Variants in SOBP observed in about 807,000 individuals in gnomAD.
SOBP encodes sine oculis-binding protein homolog.
A neutral mutation model predicts 53.6 loss-of-function variants in SOBP; 4 were observed. The observed-to-expected ratio is 0.07, with a 90% confidence interval of 0.04 to 0.17. The LOEUF (loss-of-function observed/expected upper bound fraction) is 0.17, where lower values mean the gene tolerates loss of function less well. Ranked by LOEUF, SOBP falls within the 10% of genes least tolerant of loss-of-function variation. SOBP has a pLI of 1.00. For synonymous variants in SOBP, 584 were observed against 522.6 expected (o/e 1.12, Z -1.60); for missense variants, 1,088 against 1,204.7 (o/e 0.90, Z 1.43).
chr6:107,517,493 A>C (rs1320593268), intron 3 of SOBP, among the ~76,000 whole-genome samples: 1 of 152,126 alleles, frequency 6.6e-6, no homozygotes, highest in Admixed American at 6.5e-5. Flanking sequence ...CCCCATCCTC[A>C]TGATCTCATT....
chr6:107,554,260 G>A (rs1338661387), intron 4 of SOBP, among the ~76,000 whole-genome samples: 1 of 152,206 alleles, frequency 6.6e-6, no homozygotes, highest in Non-Finnish European at 1.5e-5. Flanking sequence ...GAGTTTTTCT[G>A]CAGTTTGTCC....
chr6:107,541,675 T>C (rs374293937), intron 4 of SOBP, among the ~76,000 whole-genome samples: 3 of 152,206 alleles, frequency 2.0e-5, no homozygotes, highest in African/African-American at 7.2e-5. Flanking sequence ...ATAAATGATA[T>C]GTTATCTTAT....
intron 4 of SOBP, among the ~76,000 whole-genome samples, chr6:107,570,303 C>G (rs1785038158): frequency 6.6e-6 from 1 of 152,148 alleles, no homozygotes; most frequent in Non-Finnish European, 1.5e-5. Flanking sequence ...AGAGTGAAGG[C>G]TATAAAAGAA....
rs529969224 is a variant in SOBP, at chr6:107,645,307, G to A, written c.*3+9838G>A. ...CATCATATCCAAACAGAGGGAAGCAGTCCCCTTTTGCTCATTCATAGTTCA... is the reference window on the plus strand; with the variant it reads ...CATCATATCCAAACAGAGGGAAGCAATCCCCTTTTGCTCATTCATAGTTCA... On this transcript the variant is annotated intron_variant, in intron 6 of 6. Coordinates refer to ENST00000317357, the MANE Select transcript of SOBP (RefSeq NM_018013.4). 2.0e-5 allele frequency among the ~76,000 whole-genome samples: 3 copies of A among 152,326 alleles called. No homozygotes were observed. The East Asian group carries it at 5.8e-4, about 29-fold the overall frequency.
chr6:107,548,515 T>A (rs1157476423), intron 4 of SOBP, among the ~76,000 whole-genome samples: 1 of 152,156 alleles, frequency 6.6e-6, no homozygotes, highest in Non-Finnish European at 1.5e-5. Flanking sequence ...GTGCTGGGAT[T>A]ACAGGCGTGA....
rs145185511 is a variant in SOBP at position 107,578,581 on chromosome 6, A to G, written c.574-8499A>G. Among the ~76,000 whole-genome samples, 54 of 152,296 alleles carry G rather than the reference A, an allele frequency of 3.5e-4. No homozygotes were observed. The East Asian group carries it at 7.9e-3, about 22-fold the overall frequency. On this transcript the variant is annotated intron_variant, in intron 4 of 6. Coordinates refer to ENST00000317357, the MANE Select transcript of SOBP (RefSeq NM_018013.4). ...CTTCTTCATATATAAAATGGAGATA[A>G]TGATAGTACCTACTTCATAAGTCAT...
chr6:107,605,429 G>T (rs865980541), intron 5 of SOBP, among the ~76,000 whole-genome samples: 17 of 152,294 alleles, frequency 1.1e-4, no homozygotes, highest in South Asian at 2.1e-4. Context: ...AAAATATGTA[G>T]GCGAAAAACA....
chr6:107,615,654 G>T (rs558449557), intron 5 of SOBP, among the ~76,000 whole-genome samples: 1 of 152,288 alleles, frequency 6.6e-6, no homozygotes, highest in East Asian at 1.9e-4. Flanking sequence ...AAATCTGATT[G>T]TGAGAATCTG....
At chr6:107,524,502 G>A (rs914921598) in intron 3 of SOBP, among the ~76,000 whole-genome samples, 2 of 152,308 alleles carry the variant, frequency 1.3e-5, no homozygotes, top group South Asian at 4.1e-4. Context: ...CTCTCTCTTT[G>A]CCTTATTGTT....
chr6:107,631,478 A>G (rs1201433243), intron 5 of SOBP, among the ~76,000 whole-genome samples: 4 of 152,232 alleles, frequency 2.6e-5, no homozygotes, highest in Non-Finnish European at 5.9e-5. Flanking sequence ...ACTTACATGC[A>G]TCATGTTTCT....
At chr6:107,494,743 G>A (rs905648512) in intron 1 of SOBP, among the ~76,000 whole-genome samples, 1 of 152,202 alleles carries the variant, frequency 6.6e-6, no homozygotes, top group Admixed American at 6.5e-5. Flanking sequence ...AATATTCTCA[G>A]TAAGTAATTT....
chr6:107,601,478 C>T (rs929674810), intron 5 of SOBP, among the ~76,000 whole-genome samples: 3 of 152,214 alleles, frequency 2.0e-5, no homozygotes, highest in East Asian at 1.9e-4. Flanking sequence ...TGTTTGTCAT[C>T]TTTCTGAAAC....
At chr6:107,587,198 A>G in intron 5 of SOBP, 23 bp downstream of exon 5, 2 of 1,577,708 alleles carry the variant, frequency 1.3e-6, no homozygotes, top group Non-Finnish European at 8.7e-7. Context: ...TACTTACAAC[A>G]AGTCTAGAAT....
chr6:107,549,357 G>A (rs1192966768), intron 4 of SOBP, among the ~76,000 whole-genome samples: 2 of 152,004 alleles, frequency 1.3e-5, no homozygotes, highest in Admixed American at 1.3e-4. Context: ...CCCTATACTG[G>A]GGTGGAGCTC....
chr6:107,601,893 G>A (rs758127079), intron 5 of SOBP, among the ~76,000 whole-genome samples: 10 of 152,178 alleles, frequency 6.6e-5, no homozygotes, highest in Non-Finnish European at 1.2e-4. Flanking sequence ...TTCATTTAAT[G>A]AGCAGCAGAA....
chr6:107,643,984 C>A (rs553087492), intron 6 of SOBP, among the ~76,000 whole-genome samples: 2 of 152,256 alleles, frequency 1.3e-5, no homozygotes, highest in African/African-American at 4.8e-5. Flanking sequence ...CACTCAAAAG[C>A]TAAAGTGTTC....
At chr6:107,580,824 G>T (rs149238294) in intron 4 of SOBP, among the ~76,000 whole-genome samples, 3 of 152,150 alleles carry the variant, frequency 2.0e-5, no homozygotes, top group Non-Finnish European at 4.4e-5. Flanking sequence ...TTGGGCAGAA[G>T]TGCATCGAAT....
At chr6:107,539,677 T>G (rs1784098589) in intron 4 of SOBP, among the ~76,000 whole-genome samples, 1 of 152,214 alleles carries the variant, frequency 6.6e-6, no homozygotes, top group African/African-American at 2.4e-5. Flanking sequence ...AGTCCGACTG[T>G]CTGTTTGGGC....
At chr6:107,546,866 C>G (rs1784316151) in intron 4 of SOBP, among the ~76,000 whole-genome samples, 1 of 152,132 alleles carries the variant, frequency 6.6e-6, no homozygotes, top group Admixed American at 6.5e-5. Flanking sequence ...TTGGCTGACT[C>G]CTCCTGAAGA....
Sources: gnomAD v4.1 joint callset for allele counts (sites outside exome capture counted in the v4.1 genomes callset) on GRCh38, gnomAD v4.1.1 for gene constraint, MANE v1.5 for transcripts, NCBI Gene and HGNC (gene_info 2026-07-23, HGNC 2026-07-21) for gene names.